The following CRACD variants were observed in gnomAD, a reference collection of about 807,000 sequenced individuals.
CRACD encodes capping protein inhibiting regulator of actin dynamics, also known as capping protein-inhibiting regulator of actin dynamics.
In CRACD, 56 loss-of-function variants were observed where a neutral mutation model predicts 106.8. That is an observed-to-expected ratio of 0.52 (90% CI 0.42 to 0.66). The LOEUF is 0.66. CRACD is among the 30% of genes least tolerant of loss of function. CRACD has a pLI of 0.00. For synonymous variants in CRACD, 754 were observed against 670.8 expected (o/e 1.12, Z -1.92); for missense variants, 1,730 against 1,623.2 (o/e 1.07, Z -1.13).
chr4:56,096,633 A>AAG (rs1553901728), intron 1 of CRACD, among the ~76,000 whole-genome samples: 1 of 149,210 alleles, frequency 6.7e-6, no homozygotes, highest in Non-Finnish European at 1.5e-5. Flanking sequence ...CCTTGTCTTA[A>AAG]AAAAAAAAAG....
chr4:56,066,220 C>T (rs1034392811), intron 1 of CRACD, among the ~76,000 whole-genome samples: 1 of 152,066 alleles, frequency 6.6e-6, no homozygotes, highest in African/African-American at 2.4e-5. Flanking sequence ...GTAACACCCC[C>T]AGGCAGCCAC....
intron 3 of CRACD, among the ~76,000 whole-genome samples, chr4:56,280,805 C>T (rs1398599523): frequency 2.6e-5 from 4 of 152,146 alleles, no homozygotes; most frequent in Non-Finnish European, 4.4e-5. Flanking sequence ...CTTCATGTTA[C>T]CAATGAAGTT....
At chr4:56,319,691 C>T (rs891882349) in intron 8 of CRACD, among the ~76,000 whole-genome samples, 2 of 152,108 alleles carry the variant, frequency 1.3e-5, no homozygotes, top group African/African-American at 4.8e-5. Context: ...TCTTTCTTAA[C>T]TCCAGTGAAT....
intron 3 of CRACD, among the ~76,000 whole-genome samples, chr4:56,296,906 C>CTT (rs5858371): frequency 2.1e-5 from 3 of 141,184 alleles, no homozygotes; most frequent in East Asian, 2.0e-4. Flanking sequence ...TTGTGCATTT[C>CTT]TTTTTTTTTG....
chr4:56,264,218 A>T (rs1321757679), intron 2 of CRACD, among the ~76,000 whole-genome samples: 1 of 152,148 alleles, frequency 6.6e-6, no homozygotes, highest in Admixed American at 6.5e-5. Context: ...ATCTCCCACC[A>T]GGCCCCGCCT....
intron 1 of CRACD, among the ~76,000 whole-genome samples, chr4:56,135,357 T>C (rs140441446): frequency 1.1e-3 from 160 of 152,342 alleles, no homozygotes; most frequent in African/African-American, 3.8e-3. Context: ...AGCAGTTTCT[T>C]GGAACAGTGC....
rs142870169 is a variant in CRACD, at chr4:56,323,450, G to A, written c.3261G>A (p.Pro1087=). The change falls in exon 9 of 11, where the codon CCG becomes CCA. Residue 1087 remains proline (P), a synonymous_variant. Coordinates refer to ENST00000682029, the MANE Select transcript of CRACD (RefSeq NM_001393381.1). ...CAGAGAAAGTGGAAACTGCTCAGCC[G>A]CTGTGGATAACGTTAGCACTGCAAA... is the stretch of plus-strand genomic sequence containing the variant. The part of the protein sequence containing the change: ...KLTEKVETAQ[P]LWITLALQKQ... The A allele has an allele frequency of 3.8e-5, 61 of 1,611,608 alleles. No homozygotes were observed. The highest frequency in any genetic ancestry group is 4.7e-5 in the Non-Finnish European group (55 of 1,179,296).
rs1372803179 is a variant in CRACD at position 56,134,925 on chromosome 4, T to G, written c.-335-44359T>G. Among the ~76,000 whole-genome samples, 27 of 150,776 alleles carry G rather than the reference T, an allele frequency of 1.8e-4. No individual in the cohort carries two copies. In the Admixed American group the frequency reaches 1.8e-3, roughly 10 times the overall value. On this transcript the variant is annotated intron_variant, in intron 1 of 10. Coordinates refer to ENST00000682029, the MANE Select transcript of CRACD (RefSeq NM_001393381.1). ...CTATGATTCAGATGGAAAGAACAGA[T>G]TGATACTGGCTTTTTTTTTTTCCCC...
intron 2 of CRACD, among the ~76,000 whole-genome samples, chr4:56,198,219 C>T (rs1189348627): frequency 1.3e-5 from 2 of 152,082 alleles, no homozygotes; most frequent in Non-Finnish European, 2.9e-5. Context: ...AATGGCGGTA[C>T]ATCCACCATA....
intron 2 of CRACD, among the ~76,000 whole-genome samples, chr4:56,199,977 G>T (rs979935088): frequency 1.3e-5 from 2 of 151,596 alleles, no homozygotes; most frequent in Non-Finnish European, 2.9e-5. Flanking sequence ...AATAAAAATG[G>T]ATTTCATTTT....
intron 2 of CRACD, among the ~76,000 whole-genome samples, chr4:56,232,992 G>A (rs1411953091): frequency 6.6e-6 from 1 of 151,756 alleles, no homozygotes; most frequent in African/African-American, 2.4e-5. Flanking sequence ...GCATCCCTAA[G>A]TGCTGGGATT....
At chr4:56,132,400 G>A (rs527679428) in intron 1 of CRACD, among the ~76,000 whole-genome samples, 1 of 152,272 alleles carries the variant, frequency 6.6e-6, no homozygotes, top group East Asian at 1.9e-4. Context: ...GAGTGCAGTG[G>A]TGTGATCACG....
At chr4:56,158,231 G>C (rs1735827228) in intron 1 of CRACD, among the ~76,000 whole-genome samples, 1 of 152,186 alleles carries the variant, frequency 6.6e-6, no homozygotes, top group Non-Finnish European at 1.5e-5. Flanking sequence ...TGTTGTGCCT[G>C]TGGTTCTGAT....
At chr4:56,151,549 A>G (rs1441741803) in intron 1 of CRACD, among the ~76,000 whole-genome samples, 1 of 152,140 alleles carries the variant, frequency 6.6e-6, no homozygotes, top group African/African-American at 2.4e-5. Flanking sequence ...ATTCTCCTAT[A>G]CATTCATAAT....
chr4:56,110,494 G>T (rs1734084107), intron 1 of CRACD, among the ~76,000 whole-genome samples: 1 of 152,194 alleles, frequency 6.6e-6, no homozygotes, highest in South Asian at 2.1e-4. Context: ...CTTTGCAGTA[G>T]GCTTAGACTA....
chr4:56,226,549 G>T (rs1158196811), intron 2 of CRACD, among the ~76,000 whole-genome samples: 1 of 152,144 alleles, frequency 6.6e-6, no homozygotes, highest in African/African-American at 2.4e-5. Flanking sequence ...TGTTGTGTAT[G>T]CTCTGTTGCT....
At chr4:56,166,675 C>CA (rs35537364) in intron 1 of CRACD, among the ~76,000 whole-genome samples, 3,246 of 92,708 alleles carry the variant, frequency 0.035, 189 homozygotes, top group African/African-American at 0.064. Flanking sequence ...CACTCTGTCT[C>CA]AAAAAAAAAA....
intron 3 of CRACD, among the ~76,000 whole-genome samples, chr4:56,292,825 C>T (rs1743779096): frequency 2.0e-5 from 3 of 152,052 alleles, no homozygotes; most frequent in Admixed American, 2.0e-4. Flanking sequence ...CGACTGGCCA[C>T]CTCTAAAATT....
At chr4:56,202,393 C>G (rs1225588482) in intron 2 of CRACD, among the ~76,000 whole-genome samples, 2 of 152,100 alleles carry the variant, frequency 1.3e-5, no homozygotes, top group African/African-American at 4.8e-5. Flanking sequence ...ACTACAGGAG[C>G]CTGCCATCAC....
Sources: gnomAD v4.1 joint callset for allele counts (sites outside exome capture counted in the v4.1 genomes callset) on GRCh38, gnomAD v4.1.1 for gene constraint, MANE v1.5 for transcripts, NCBI Gene and HGNC (gene_info 2026-07-23, HGNC 2026-07-21) for gene names.